PLEKHA7: variants seen among roughly 807,000 people sequenced by gnomAD.
The protein encoded by PLEKHA7 is pleckstrin homology domain-containing family A member 7.
In PLEKHA7, 104 loss-of-function variants were observed where a neutral mutation model predicts 170.0. The observed-to-expected ratio is 0.61, with a 90% CI of 0.52 to 0.72. The LOEUF is 0.72. Ranked by LOEUF, PLEKHA7 falls within the 30% of genes least tolerant of loss-of-function variation. The pLI, the probability that PLEKHA7 is intolerant of heterozygous loss-of-function variation, is 0.00. For missense variants in PLEKHA7, 1,615 were observed against 1,671.7 expected (o/e 0.97, Z 0.59); for synonymous variants, 648 against 660.8 (o/e 0.98, Z 0.30).
intron 3 of PLEKHA7, among the ~76,000 whole-genome samples, chr11:16,954,442 G>A (rs1861582505): frequency 6.6e-6 from 1 of 151,910 alleles, no homozygotes; most frequent in Non-Finnish European, 1.5e-5. Context: ...GTTGAGACAG[G>A]AGGACTGCTT....
At chr11:16,932,097 C>T (rs943258103) in intron 3 of PLEKHA7, among the ~76,000 whole-genome samples, 2 of 152,154 alleles carry the variant, frequency 1.3e-5, no homozygotes, top group Non-Finnish European at 2.9e-5. Flanking sequence ...TAGGCTCACC[C>T]ACTTACCAGC....
At chr11:17,004,319 A>G (rs759011365) in intron 3 of PLEKHA7, among the ~76,000 whole-genome samples, 1 of 152,088 alleles carries the variant, frequency 6.6e-6, no homozygotes, top group Non-Finnish European at 1.5e-5. Context: ...ATGAGGAACA[A>G]TATGTCCAGG....
chr11:16,929,510 A>C (rs1859779022), intron 3 of PLEKHA7, among the ~76,000 whole-genome samples: 1 of 152,250 alleles, frequency 6.6e-6, no homozygotes, highest in African/African-American at 2.4e-5. Context: ...GCCACCAAGC[A>C]CACAGGCAAG....
intron 3 of PLEKHA7, among the ~76,000 whole-genome samples, chr11:16,877,008 G>A (rs190518952): frequency 7.2e-5 from 11 of 152,290 alleles, no homozygotes; most frequent in East Asian, 1.9e-4. Context: ...AATCTGCTCC[G>A]TCAGCACTAG....
At chr11:16,806,552 T>C (rs1243539345) in intron 13 of PLEKHA7, among the ~76,000 whole-genome samples, 2 of 152,180 alleles carry the variant, frequency 1.3e-5, no homozygotes, top group Non-Finnish European at 2.9e-5. Flanking sequence ...CTCACGATGG[T>C]TGGACACAAC....
chr11:16,793,961 C>A (rs1346223460), intron 19 of PLEKHA7, among the ~76,000 whole-genome samples: 1 of 152,214 alleles, frequency 6.6e-6, no homozygotes, highest in African/African-American at 2.4e-5. Context: ...TAGTTTTCTT[C>A]TCTGTGGAAT....
chr11:16,795,621 T>C (rs1590144771), intron 17 of PLEKHA7, among the ~76,000 whole-genome samples: 1 of 151,878 alleles, frequency 6.6e-6, no homozygotes, highest in East Asian at 2.0e-4. Context: ...AAACCCCATC[T>C]CTACTATAAA....
At chr11:16,952,962 T>C (rs941439835) in intron 3 of PLEKHA7, among the ~76,000 whole-genome samples, 5 of 152,256 alleles carry the variant, frequency 3.3e-5, no homozygotes, top group African/African-American at 1.2e-4. Context: ...GGCATCTACA[T>C]ATATTTGAAA....
At chr11:16,916,362 T>C (rs1412077154) in intron 3 of PLEKHA7, among the ~76,000 whole-genome samples, 1 of 152,176 alleles carries the variant, frequency 6.6e-6, no homozygotes. Flanking sequence ...CCAAGTGGAC[T>C]TTCTACCGCA....
intron 13 of PLEKHA7, among the ~76,000 whole-genome samples, chr11:16,804,292 G>A (rs1848798667): frequency 6.6e-6 from 1 of 152,226 alleles, no homozygotes; most frequent in Non-Finnish European, 1.5e-5. Flanking sequence ...CAGTGGCAGA[G>A]ACAGGTGGTG....
At chr11:17,006,608 C>T (rs866324921) in intron 3 of PLEKHA7, among the ~76,000 whole-genome samples, 1 of 135,780 alleles carries the variant, frequency 7.4e-6, no homozygotes, top group East Asian at 2.2e-4. Context: ...GCCTGGGTGA[C>T]ACAGCAAGAC....
At chr11:16,834,024 TTTTC>T (rs1355561862) in intron 9 of PLEKHA7, among the ~76,000 whole-genome samples, 4 of 151,816 alleles carry the variant, frequency 2.6e-5, no homozygotes, top group Non-Finnish European at 5.9e-5. Context: ...TTTGTTTTGT[TTTTC>T]GAGATGGAGT....
chr11:16,897,446 TCTTA>T (rs1244967868), intron 3 of PLEKHA7, among the ~76,000 whole-genome samples: 1 of 152,010 alleles, frequency 6.6e-6, no homozygotes, highest in African/African-American at 2.4e-5. Context: ...AAGAGCCTAC[TCTTA>T]CTGTCAGAAA....
At chr11:16,798,908 A>C (rs140049565) in intron 17 of PLEKHA7, among the ~76,000 whole-genome samples, 1 of 152,390 alleles carries the variant, frequency 6.6e-6, no homozygotes, top group East Asian at 1.9e-4. Context: ...AAATGCTATC[A>C]GAAGAGGAAT....
chr11:17,001,639 T>G (rs1348764555), intron 3 of PLEKHA7, among the ~76,000 whole-genome samples: 11 of 151,906 alleles, frequency 7.2e-5, no homozygotes. Context: ...CACCATAGAG[T>G]GTGATGTAGG....
chr11:16,795,143 T>C (rs1408579039), intron 17 of PLEKHA7, 125 bp from the exon 18 acceptor site: 5 of 701,786 alleles, frequency 7.1e-6, no homozygotes, highest in African/African-American at 7.1e-5. Context: ...GAAACCCCAC[T>C]AGTGCTAGAA....
chr11:16,802,767 C>T (rs138790533), intron 15 of PLEKHA7, among the ~76,000 whole-genome samples: 4 of 152,074 alleles, frequency 2.6e-5, no homozygotes, highest in African/African-American at 9.7e-5. Context: ...AGGCTGGTCT[C>T]GAACTCCTGA....
intron 15 of PLEKHA7, among the ~76,000 whole-genome samples, chr11:16,802,512 A>T (rs1848662399): frequency 6.6e-6 from 1 of 152,016 alleles, no homozygotes; most frequent in South Asian, 2.1e-4. Flanking sequence ...TCTATAAGAT[A>T]GAAACCCCTA....
intron 3 of PLEKHA7, among the ~76,000 whole-genome samples, chr11:16,904,092 C>T (rs976146686): frequency 2.6e-5 from 4 of 152,198 alleles, no homozygotes; most frequent in African/African-American, 7.2e-5. Context: ...TGACAGGTTT[C>T]GATTTTGCAG....
Sources: allele counts gnomAD v4.1 joint callset (sites outside exome capture counted in the v4.1 genomes callset), GRCh38; gene constraint gnomAD v4.1.1; transcripts MANE v1.5; gene names NCBI Gene and HGNC (gene_info 2026-07-23, HGNC 2026-07-21).